The following LHFPL6 variants were observed in gnomAD, a reference collection of about 807,000 sequenced individuals.
LHFPL6 encodes the protein LHFPL tetraspan subfamily member 6.
LHFPL6 carries 9 observed loss-of-function variants against 20.6 expected under a neutral mutation model. The observed-to-expected ratio is 0.44, with a 90% CI of 0.26 to 0.76. The LOEUF is 0.76. Among genes scored for constraint, LHFPL6 ranks in the 30% least tolerant of loss-of-function variants. The pLI is 0.20. For missense variants in LHFPL6, 218 were observed against 253.5 expected, an observed-to-expected ratio of 0.86 and a Z score of 0.95; for synonymous variants, 105 against 98.7, an observed-to-expected ratio of 1.06 and a Z score of -0.38.
intron 2 of LHFPL6, among the ~76,000 whole-genome samples, chr13:39,560,035 C>T (rs1871422607): frequency 6.6e-6 from 1 of 152,320 alleles, no homozygotes; most frequent in Admixed American, 6.5e-5. Flanking sequence ...GAGCTTCCAG[C>T]TGATGATGGC....
At chr13:39,382,329 G>A (rs148244822) in intron 2 of LHFPL6, among the ~76,000 whole-genome samples, 12 of 152,220 alleles carry the variant, frequency 7.9e-5, no homozygotes, top group African/African-American at 2.2e-4. Context: ...TGTCTCTTGC[G>A]TTCTGTCTGG....
At chr13:39,522,933 G>C (rs1170465746) in intron 2 of LHFPL6, among the ~76,000 whole-genome samples, 1 of 152,198 alleles carries the variant, frequency 6.6e-6, no homozygotes, top group South Asian at 2.1e-4. Flanking sequence ...CAACCTTAAA[G>C]AATGGGTTGA....
At chr13:39,527,523 C>T (rs1870329850) in intron 2 of LHFPL6, among the ~76,000 whole-genome samples, 1 of 149,996 alleles carries the variant, frequency 6.7e-6, no homozygotes, top group South Asian at 2.1e-4. Context: ...AAAAAAAAAG[C>T]GTTTTCTACA....
intron 2 of LHFPL6, among the ~76,000 whole-genome samples, chr13:39,527,929 T>C (rs975811996): frequency 7.2e-5 from 11 of 152,234 alleles, no homozygotes; most frequent in Non-Finnish European, 1.6e-4. Flanking sequence ...AAGTTAACTA[T>C]GTTTCTATAA....
intron 2 of LHFPL6, among the ~76,000 whole-genome samples, chr13:39,417,588 A>C (rs1279316565): frequency 6.6e-6 from 1 of 152,226 alleles, no homozygotes; most frequent in Non-Finnish European, 1.5e-5. Flanking sequence ...CTTGTTAGCC[A>C]TTCTGCAAAA....
At position 39,562,513 on chromosome 13, in the gene LHFPL6, CAT is replaced by C. The variant is rs1434468556; in HGVS notation, c.385+38317_385+38318del. On this transcript the variant is annotated intron_variant, in intron 2 of 3. Transcript: ENST00000379589. The stretch of plus-strand genomic sequence containing the variant: ...ACACATATACATATATACATATATA[CAT>C]ATATACACATATACACATATATACA... Among the ~76,000 whole-genome samples, 59 of 145,586 alleles carry C rather than the reference CAT, an allele frequency of 4.1e-4. No homozygotes were observed. In the South Asian group the frequency reaches 5.4e-3, roughly 13 times the overall value.
At chr13:39,559,187 T>G (rs999719888) in intron 2 of LHFPL6, among the ~76,000 whole-genome samples, 4 of 152,194 alleles carry the variant, frequency 2.6e-5, no homozygotes, top group Admixed American at 1.3e-4. Context: ...GAGGACTCAG[T>G]GCCTCTCCTC....
intron 2 of LHFPL6, among the ~76,000 whole-genome samples, chr13:39,471,732 G>A (rs1446957904): frequency 1.3e-5 from 2 of 152,252 alleles, no homozygotes; most frequent in Non-Finnish European, 2.9e-5. Flanking sequence ...AGACCAGGAT[G>A]TTCAACCTTG....
intron 2 of LHFPL6, among the ~76,000 whole-genome samples, chr13:39,427,263 TG>T (rs1871669488): frequency 6.6e-6 from 1 of 152,226 alleles, no homozygotes; most frequent in African/African-American, 2.4e-5. Context: ...AATCTGGGTT[TG>T]TCTTCTTTCT....
chr13:39,392,692 G>C (rs956468420), intron 2 of LHFPL6, among the ~76,000 whole-genome samples: 3 of 152,026 alleles, frequency 2.0e-5, no homozygotes, highest in Non-Finnish European at 2.9e-5. Flanking sequence ...TTTTCAGCCT[G>C]ATCTTTTAAT....
chr13:39,496,485 T>C (rs1869105566), intron 2 of LHFPL6, among the ~76,000 whole-genome samples: 1 of 152,174 alleles, frequency 6.6e-6, no homozygotes, highest in African/African-American at 2.4e-5. Flanking sequence ...TAAAATGTGA[T>C]GTAACAAGAC....
chr13:39,431,084 C>T (rs148380822), intron 2 of LHFPL6, among the ~76,000 whole-genome samples: 3 of 152,264 alleles, frequency 2.0e-5, no homozygotes, highest in East Asian at 1.9e-4. Context: ...ACTCCAGACA[C>T]GCCACCTTTA....
intron 2 of LHFPL6, among the ~76,000 whole-genome samples, chr13:39,411,984 G>A (rs1281796507): frequency 6.6e-6 from 1 of 152,130 alleles, no homozygotes; most frequent in Non-Finnish European, 1.5e-5. Context: ...CACTTCTGTG[G>A]GACATAAGTA....
chr13:39,536,568 C>G (rs933524300), intron 2 of LHFPL6, among the ~76,000 whole-genome samples: 2 of 152,162 alleles, frequency 1.3e-5, no homozygotes, highest in African/African-American at 4.8e-5. Context: ...CAGAACCACA[C>G]TGAAGTCTGG....
At chr13:39,496,948 C>A (rs756713457) in intron 2 of LHFPL6, among the ~76,000 whole-genome samples, 7 of 152,116 alleles carry the variant, frequency 4.6e-5, no homozygotes, top group Non-Finnish European at 1.0e-4. Flanking sequence ...CTCCATGAAA[C>A]CTCTGTACTA....
chr13:39,426,049 A>G (rs1871627684), intron 2 of LHFPL6, among the ~76,000 whole-genome samples: 1 of 152,150 alleles, frequency 6.6e-6, no homozygotes, highest in African/African-American at 2.4e-5. Flanking sequence ...TTTTATGTGT[A>G]CAAGTGAATG....
intron 2 of LHFPL6, among the ~76,000 whole-genome samples, chr13:39,555,622 A>C (rs1262799118): frequency 6.6e-6 from 1 of 152,238 alleles, no homozygotes; most frequent in Non-Finnish European, 1.5e-5. Context: ...AATAATAAAC[A>C]TAAGTGAAGG....
At chr13:39,524,789 C>T (rs1870236226) in intron 2 of LHFPL6, among the ~76,000 whole-genome samples, 1 of 152,104 alleles carries the variant, frequency 6.6e-6, no homozygotes, top group Non-Finnish European at 1.5e-5. Context: ...TGGACTTTAA[C>T]AAAACTAAGT....
chr13:39,372,760 T>C (rs766249511), intron 3 of LHFPL6, among the ~76,000 whole-genome samples: 18 of 152,260 alleles, frequency 1.2e-4, no homozygotes, highest in Non-Finnish European at 1.6e-4. Flanking sequence ...CTACACATTA[T>C]ACTACAACTA....
Sources: allele counts gnomAD v4.1 joint callset (sites outside exome capture counted in the v4.1 genomes callset), GRCh38; gene constraint gnomAD v4.1.1; transcripts MANE v1.5; gene names NCBI Gene and HGNC (gene_info 2026-07-23, HGNC 2026-07-21).